The following VARS1 variants were observed in gnomAD, a reference collection of about 807,000 sequenced individuals.
VARS1 encodes the protein valyl-tRNA synthetase 1.
A neutral mutation model predicts 161.0 loss-of-function variants in VARS1; 92 were observed. The ratio of observed to expected loss-of-function variants is 0.57; its 90% CI spans 0.48 to 0.68. The LOEUF (loss-of-function observed/expected upper bound fraction) is 0.68, where lower values mean the gene tolerates loss of function less well. Ranked by LOEUF, VARS1 falls within the 30% of genes least tolerant of loss-of-function variation. The probability of loss-of-function intolerance (pLI) is 0.00; values close to 1 mark genes in which losing one functional copy is unlikely to be tolerated. For missense variants in VARS1, 1,338 were observed against 1,695.9 expected (o/e 0.79, Z 3.71); for synonymous variants, 595 against 682.5 (o/e 0.87, Z 2.00).
intron 2 of VARS1, among the ~76,000 whole-genome samples, chr6:31,793,685 C>T (rs1355274569): frequency 6.6e-6 from 1 of 152,144 alleles, no homozygotes; most frequent in Non-Finnish European, 1.5e-5. Flanking sequence ...GAGGAAAACA[C>T]GAACAGATGG....
At position 31,781,105 on chromosome 6, in the gene VARS1, C is replaced by G; in HGVS notation, c.2563G>C (p.Val855Leu). Residue 855 changes from valine (V) to leucine (L), a missense_variant, in exon 22 of 30, where the codon GTG (valine) becomes CTG (leucine). Around this residue, in one of 3 missense-constraint regions of VARS1, gnomAD observed 433 missense variants for 586.2 expected, o/e 0.74. Coordinates refer to ENST00000375663, the MANE Select transcript of VARS1 (RefSeq NM_006295.3). This position sits in a 1 kb window ranked among gnomAD's most constrained non-coding sequence, Gnocchi z 6.8. ...ATCTTCCGGCCGTGAGCATCTCGCA[C>G]GATGGCATGGAGGTAGACCTGCAGA... is the stretch of plus-strand genomic sequence containing the variant. ...PFREVYLHAI[V>L]RDAHGRKMSK... The G allele has an allele frequency of 1.9e-6, 3 of 1,613,240 alleles. No individual in the cohort carries two copies. Among genetic ancestry groups the G allele is most frequent in the Non-Finnish European group, 2.5e-6 (3 of 1,180,032 alleles).
At position 31,779,585 on chromosome 6, in the gene VARS1, C is replaced by G; in HGVS notation, c.3288+23G>C. The stretch of plus-strand genomic sequence containing the variant: ...GGGGGCCTGGAGGGCAGGTCAGACT[C>G]CCCTCTCCAGGCCATGCCATACCTC... On this transcript the variant is annotated intron_variant, in intron 27 of 29. Transcript: ENST00000375663. The surrounding 1 kb of genome is among the most constrained non-coding windows in gnomAD (Gnocchi z 9.1). 2 of 1,611,566 alleles carry G rather than the reference C, an allele frequency of 1.2e-6. No individual in the cohort carries two copies. The highest frequency in any genetic ancestry group is 1.7e-6 in the Non-Finnish European group (2 of 1,179,066).
intron 8 of VARS1, among the ~76,000 whole-genome samples, chr6:31,787,711 T>C (rs886294661): frequency 6.6e-6 from 1 of 151,858 alleles, no homozygotes; most frequent in South Asian, 2.1e-4. Context: ...GTATGGTGGT[T>C]CATGCCTGTA....
rs1434775997 is a variant in VARS1 at position 31,785,004 on chromosome 6, T to C, written c.1347+242A>G. ...TCAGGCTCCATGGGAGACGGGGTCC[T>C]GATCATGTGCCATCTGGAGGAATCT... On this transcript the variant is annotated intron_variant, in intron 10 of 29. Transcript: ENST00000375663. This position sits in a 1 kb window ranked among gnomAD's most constrained non-coding sequence, Gnocchi z 6.1. Among the ~76,000 whole-genome samples, 1 of 152,128 alleles carries C rather than the reference T, an allele frequency of 6.6e-6. No homozygotes were observed. The highest frequency in any genetic ancestry group is 1.9e-4 in the East Asian group (1 of 5,188).
rs777169469 is a variant in VARS1 at position 31,782,388 on chromosome 6, C to T, written c.2047G>A (p.Gly683Arg). Residue 683 changes from glycine (G) to arginine (R), a missense_variant, in exon 17 of 30, where the codon GGG (glycine) becomes AGG (arginine). Physicochemically the swap from Gly to Arg is moderately radical, Grantham distance 125. Around this residue, in one of 3 missense-constraint regions of VARS1, gnomAD observed 902 missense variants for 1,090.3 expected, o/e 0.83. Transcript: ENST00000375663. The surrounding 1 kb of genome is among the most constrained non-coding windows in gnomAD (Gnocchi z 8.3). ...LLRPQWYVRCGEMAQAASAAV... is the reference protein window; with the variant it reads ...LLRPQWYVRCREMAQAASAAV... ...GCGCTGGCAGCCTGGGCCATCTCCCCGCAGCGAACGTACCACTGCGGCCGC... is the reference window on the plus strand; with the variant it reads ...GCGCTGGCAGCCTGGGCCATCTCCCTGCAGCGAACGTACCACTGCGGCCGC... 16 of 1,612,230 alleles carry T rather than the reference C, an allele frequency of 9.9e-6. No individual in the cohort carries two copies. The highest frequency in any genetic ancestry group is 4.0e-5 in the African/African-American group (3 of 74,908).
intron 8 of VARS1, among the ~76,000 whole-genome samples, chr6:31,786,665 C>CAAAAAAAA (rs9279417): frequency 9.5e-5 from 3 of 31,594 alleles, no homozygotes; most frequent in African/African-American, 2.4e-4. Flanking sequence ...GACTCTGTCT[C>CAAAAAAAA]AAAAAAAAAA....
chr6:31,789,460 G>T (rs971415720), intron 8 of VARS1, among the ~76,000 whole-genome samples: 1 of 152,146 alleles, frequency 6.6e-6, no homozygotes, highest in Non-Finnish European at 1.5e-5. Context: ...CAACCCTAAT[G>T]CTCAGGCTTA....
rs926191773 is a variant in VARS1 at position 31,778,338 on chromosome 6, G to A, written c.3726+629C>T. 1.3e-5 allele frequency among the ~76,000 whole-genome samples: 2 copies of A among 152,118 alleles called. No homozygotes were observed. Among genetic ancestry groups the A allele is most frequent in the Non-Finnish European group, 2.9e-5 (2 of 68,016 alleles). On this transcript the variant is annotated intron_variant, in intron 29 of 29. Transcript: ENST00000375663. This position sits in a 1 kb window ranked among gnomAD's most constrained non-coding sequence, Gnocchi z 5.1. ...GATGCCTGGTTCTAGGTCAGCCTCCGTCTCCCACCTGTTGTGTGACCCTGG... is the reference window on the plus strand; with the variant it reads ...GATGCCTGGTTCTAGGTCAGCCTCCATCTCCCACCTGTTGTGTGACCCTGG...
rs1293030113 is a variant in VARS1 at position 31,795,322 on chromosome 6, C to T, written c.-33-72G>A. On this transcript the variant is annotated intron_variant, in intron 1 of 29. Coordinates refer to ENST00000375663, the MANE Select transcript of VARS1 (RefSeq NM_006295.3). The surrounding 1 kb of genome is among the most constrained non-coding windows in gnomAD (Gnocchi z 6.9). ...CCTATGTTTGAGTAGAGAGGGGACC[C>T]TCACGGGAGCTCCTTCGCCGCAGAC... 3.7e-6 allele frequency: 4 copies of T among 1,094,134 alleles called. No individual in the cohort carries two copies. Among genetic ancestry groups the T allele is most frequent in the African/African-American group, 1.6e-5 (1 of 63,178 alleles). The allele number at this position is 1,094,134 out of a possible 1,614,324, so 67.8% of individuals were successfully genotyped here.
rs1285621218 is a variant in VARS1, at chr6:31,784,381, C to T, written c.1576+13G>A. 3 of 1,614,158 alleles carry T rather than the reference C, an allele frequency of 1.9e-6. No homozygotes were observed. The highest frequency in any genetic ancestry group is 1.7e-5 in the Admixed American group (1 of 60,024). On this transcript the variant is annotated intron_variant, in intron 12 of 29. Transcript: ENST00000375663. This position sits in a 1 kb window ranked among gnomAD's most constrained non-coding sequence, Gnocchi z 6.1. ...CACTCCCAGCCCAGGATCCTGGTGC[C>T]CCTGGCTCCTACCTGAGCCTTGGAC...
intron 4 of VARS1, 38 bp downstream of exon 4, chr6:31,792,719 G>C: frequency 6.2e-7 from 1 of 1,611,500 alleles, no homozygotes; most frequent in Non-Finnish European, 8.5e-7. Flanking sequence ...GAAGGCCCCA[G>C]GGAAGCCCCT....
chr6:31,795,038 C>T lies in VARS1; in HGVS notation c.180G>A (p.Leu60=), dbSNP rs756765837. ...TPFPPPRLPA[L]EQGPGGLWVW... is the part of the protein sequence containing the mutation. ...CCCAGAGCCCACCGGGCCCCTGCTC[C>T]AGGGCCGGCAGGCGGGGTGGGGGAA... is the stretch of plus-strand genomic sequence containing the variant. The change falls in exon 2 of 30, where the codon CTG becomes CTA. Residue 60 remains leucine, a synonymous_variant. Coordinates refer to ENST00000375663, the MANE Select transcript of VARS1 (RefSeq NM_006295.3). The surrounding 1 kb of genome is among the most constrained non-coding windows in gnomAD (Gnocchi z 6.9). The T allele has an allele frequency of 7.7e-6, 12 of 1,558,046 alleles. No homozygotes were observed. The highest frequency in any genetic ancestry group is 2.7e-5 in the African/African-American group (2 of 73,098).
rs17207545 is a variant in VARS1 at position 31,784,745 on chromosome 6, T to C, written c.1348-31A>G. On this transcript the variant is annotated intron_variant, in intron 10 of 29. Transcript: ENST00000375663. This position sits in a 1 kb window ranked among gnomAD's most constrained non-coding sequence, Gnocchi z 6.1. ...GTGGAGGAGGGAGAAGTCAGAGAGATGGGCCTTGTGCCTGGAGGCCCAGGC... is the reference window on the plus strand; with the variant it reads ...GTGGAGGAGGGAGAAGTCAGAGAGACGGGCCTTGTGCCTGGAGGCCCAGGC... 1,410 of 1,612,354 alleles carry C rather than the reference T, an allele frequency of 8.7e-4. 13 individuals are homozygous for C. The African/African-American group carries it at 0.016, about 19-fold the overall frequency.
In VARS1 at chr6:31,785,727, G is replaced by A. The variant is rs751814767; in HGVS notation, c.1107C>T (p.Arg369=). The A allele has an allele frequency of 1.2e-5, 20 of 1,610,478 alleles. No individual in the cohort carries two copies. The highest frequency in any genetic ancestry group is 1.7e-5 in the Non-Finnish European group (20 of 1,179,014). ...AIQDSLTRWH[R]MRGETTLWNP... is the part of the protein sequence containing the mutation. ...TCCACAGGGTGGTCTCCCCACGCAT[G>A]CGGTGCCTGTTAGGGGGCATGGAGG... The change falls in exon 9 of 30, where the codon CGC becomes CGT. Residue 369 remains arginine (R), a synonymous_variant. Coordinates refer to ENST00000375663, the MANE Select transcript of VARS1 (RefSeq NM_006295.3). This position sits in a 1 kb window ranked among gnomAD's most constrained non-coding sequence, Gnocchi z 6.1.
intron 4 of VARS1, 90 bp from the exon 5 acceptor site, chr6:31,792,606 C>T (rs972672640): frequency 6.8e-5 from 109 of 1,602,006 alleles, no homozygotes; most frequent in Non-Finnish European, 8.7e-5. Flanking sequence ...TTTAGATGCC[C>T]GAGGTCTTGC....
intron 8 of VARS1, among the ~76,000 whole-genome samples, chr6:31,790,830 G>A (rs990833219): frequency 7.2e-5 from 11 of 151,996 alleles, no homozygotes; most frequent in African/African-American, 2.7e-4. Context: ...CACCCAAAAG[G>A]AGAACTATAA....
In VARS1 at chr6:31,777,724, C is replaced by G. The variant is rs1247080113; in HGVS notation, c.3727-62G>C. 6.4e-7 allele frequency: 1 copy of G among 1,568,804 alleles called. No individual in the cohort carries two copies. The highest frequency in any genetic ancestry group is 2.3e-5 in the East Asian group (1 of 42,870). On this transcript the variant is annotated intron_variant, in intron 29 of 29. Coordinates refer to ENST00000375663, the MANE Select transcript of VARS1 (RefSeq NM_006295.3). The surrounding 1 kb of genome is among the most constrained non-coding windows in gnomAD (Gnocchi z 5.8). ...CCAAGTGAAGAGACCCCCAAACACC[C>G]AGGACAACAAAGTTGGAAAGATGAG...
In VARS1 at chr6:31,781,919, T is replaced by C. The variant is rs372693339; in HGVS notation, c.2275A>G (p.Asn759Asp). The change falls in exon 19 of 30, where the codon AAT (asparagine) becomes GAT (aspartate). Residue 759 changes from asparagine to aspartate, a missense_variant. By Grantham distance (23) the Asn-to-Asp change is conservative. Transcript: ENST00000375663. The surrounding 1 kb of genome is among the most constrained non-coding windows in gnomAD (Gnocchi z 6.8). ...GCCTTCTCCCGGGCCTCCGCCTCAT[T>C]GCGTCCACTCACCCAGTACCGCCCA... ...PDGRYWVSGR[N>D]EAEAREKAAK... The C allele has an allele frequency of 6.2e-6, 10 of 1,612,838 alleles. No individual in the cohort carries two copies. Among genetic ancestry groups the C allele is most frequent in the Non-Finnish European group, 8.5e-6 (10 of 1,180,016 alleles).
chr6:31,784,470 C>G lies in VARS1; in HGVS notation c.1500G>C (p.Leu500=). 6.2e-7 allele frequency: 1 copy of G among 1,614,112 alleles called. No individual in the cohort carries two copies. The highest frequency in any genetic ancestry group is 1.6e-4 in the Middle Eastern group (1 of 6,062). The change falls in exon 12 of 30, where the codon CTG becomes CTC. Residue 500 remains leucine (L), a synonymous_variant. Coordinates refer to ENST00000375663, the MANE Select transcript of VARS1 (RefSeq NM_006295.3). The surrounding 1 kb of genome is among the most constrained non-coding windows in gnomAD (Gnocchi z 6.1). ...TCTCCTTGTAGCCAGGCACGGAGAG[C>G]AGGGTGCGACCTGTCAGCTCCTTCT... is the stretch of plus-strand genomic sequence containing the variant. The part of the protein sequence containing the change: ...VDKKELTGRT[L]LSVPGYKEKV...
Sources: allele counts gnomAD v4.1 joint callset (sites outside exome capture counted in the v4.1 genomes callset), GRCh38; gene constraint gnomAD v4.1.1; regional missense constraint gnomAD v4.1.1; non-coding constraint Gnocchi (gnomAD v3.1); transcripts MANE v1.5; gene names NCBI Gene and HGNC (gene_info 2026-07-23, HGNC 2026-07-21).